MRPL30: variants seen among roughly 807,000 people sequenced by gnomAD.
The protein encoded by MRPL30 is mitochondrial ribosomal protein L30.
In MRPL30, 10 loss-of-function variants were observed where a neutral mutation model predicts 17.2. The observed-to-expected ratio is 0.58, with a 90% confidence interval of 0.36 to 0.99. The LOEUF is 0.99. Ranked by LOEUF, MRPL30 falls within the 50% of genes least tolerant of loss-of-function variation. MRPL30 has a pLI of 0.01. For missense variants in MRPL30, 170 were observed against 189.8 expected (o/e 0.90, Z 0.61); for synonymous variants, 61 against 62.1 (o/e 0.98, Z 0.08).
chr2:99,188,034 C>T (rs576774253), intron 2 of MRPL30, 143 bp from the exon 3 acceptor site: 206 of 571,514 alleles, frequency 3.6e-4, no homozygotes, highest in South Asian at 1.3e-3. Context: ...AGATGGGATG[C>T]GTTCACTCAG....
At chr2:99,185,645 A>T (rs544321672) in intron 1 of MRPL30, 1 of 300,340 alleles carries the variant, frequency 3.3e-6, no homozygotes, top group South Asian at 2.8e-5. Flanking sequence ...CTACTTTTTA[A>T]CAGAAAGGTG....
chr2:99,191,000 CCTGA>C (rs1364143075), intron 3 of MRPL30, among the ~76,000 whole-genome samples: 2 of 151,984 alleles, frequency 1.3e-5, no homozygotes, highest in African/African-American at 2.4e-5. Context: ...GAAAATAGCC[CCTGA>C]CTATCTTTTT....
intron 2 of MRPL30, 36 bp downstream of exon 2, chr2:99,186,290 C>G (rs758568758): frequency 1.9e-6 from 3 of 1,590,378 alleles, no homozygotes; most frequent in Non-Finnish European, 2.6e-6. Context: ...TCTTTTCTAC[C>G]CCTTATGAAT....
intron 3 of MRPL30, among the ~76,000 whole-genome samples, chr2:99,189,373 A>G (rs906377438): frequency 2.0e-5 from 3 of 152,204 alleles, no homozygotes; most frequent in Non-Finnish European, 2.9e-5. Flanking sequence ...TCTAGAATGT[A>G]ATATAGCTGA....
intron 2 of MRPL30, chr2:99,186,868 A>G (rs2093934913): frequency 6.6e-6 from 1 of 152,278 alleles, no homozygotes; most frequent in Non-Finnish European, 1.5e-5. Flanking sequence ...AGGAAGAGAA[A>G]TAATCTGTAA....
At position 99,195,946 on chromosome 2, in the gene MRPL30, G is replaced by T. The variant is rs797011884; in HGVS notation, c.*241G>T. The T allele has an allele frequency of 1.3e-5, 5 of 373,656 alleles. No homozygotes were observed. Among genetic ancestry groups the T allele is most frequent in the African/African-American group, 1.1e-4 (5 of 45,828 alleles). 23.1% of individuals were successfully genotyped at this position (373,656 alleles called of 1,614,324 possible). A position where few individuals can be genotyped will look rare whatever the true frequency, so the allele number is the denominator to read the frequency against. On this transcript the variant is annotated 3_prime_UTR_variant, in exon 6 of 6. Transcript: ENST00000338148. ...GAAAATACAGAATTAGCCAGGCATG[G>T]TGGCACATGCCTGTAACCCAGCTAC... is the stretch of plus-strand genomic sequence containing the variant.
In MRPL30 at chr2:99,181,215, A is replaced by G. The variant is rs2093919478; in HGVS notation, c.-62A>G. ...CTTCCTCTGCTCTGCTTCCCTTCGG[A>G]GGAAAATTTCAGGCTGAAGGTTTAG... is the stretch of plus-strand genomic sequence containing the variant. On this transcript the variant is annotated 5_prime_UTR_variant, in exon 1 of 6. Transcript: ENST00000338148. The G allele has an allele frequency of 3.9e-6, 2 of 515,958 alleles. No homozygotes were observed. The highest frequency in any genetic ancestry group is 8.0e-5 in the Admixed American group (2 of 25,046). 32.0% of individuals were successfully genotyped at this position (515,958 alleles called of 1,614,324 possible). A position where few individuals can be genotyped will look rare whatever the true frequency, so the allele number is the denominator to read the frequency against.
intron 3 of MRPL30, 121 bp downstream of exon 3, chr2:99,188,378 A>G: frequency 1.4e-6 from 1 of 735,652 alleles, no homozygotes; most frequent in Non-Finnish European, 2.2e-6. Context: ...AGGTGATGGT[A>G]CAGAGTTTAA....
At chr2:99,184,907 A>G (rs948487830) in intron 1 of MRPL30, among the ~76,000 whole-genome samples, 1 of 152,230 alleles carries the variant, frequency 6.6e-6, no homozygotes, top group Admixed American at 6.5e-5. Context: ...TCTGCGGGAC[A>G]CTGAATTACA....
Position 99,186,233 on chromosome 2 carries a change from A to T in MRPL30, c.30A>T (p.Gln10His). The T allele has an allele frequency of 6.2e-7, 1 of 1,614,096 alleles. No individual in the cohort carries two copies. The highest frequency in any genetic ancestry group is 8.5e-7 in the Non-Finnish European group (1 of 1,179,954). MAGILRLVVQWPPGRLQTVT... is the reference protein window; with the variant it reads MAGILRLVVHWPPGRLQTVT... ...CTGGGATTTTGCGCTTAGTAGTTCA[A>T]TGGCCCCCAGGCAGACTACAGGTAA... Residue 10 changes from glutamine to histidine, a missense_variant, in exon 2 of 6, where the codon CAA (glutamine) becomes CAT (histidine). By Grantham distance (24) the Gln-to-His change is conservative. Coordinates refer to ENST00000338148, the MANE Select transcript of MRPL30 (RefSeq NM_145212.4).
In MRPL30 at chr2:99,196,814, A is replaced by G. The variant is rs2093955896; in HGVS notation, c.*1109A>G. 1 of 152,204 alleles carries G rather than the reference A, an allele frequency of 6.6e-6. No individual in the cohort carries two copies. The highest frequency in any genetic ancestry group is 1.5e-5 in the Non-Finnish European group (1 of 68,042). The allele number at this position is 152,204 out of a possible 1,614,324, so 9.4% of individuals were successfully genotyped here. On this transcript the variant is annotated 3_prime_UTR_variant, in exon 6 of 6. Coordinates refer to ENST00000338148, the MANE Select transcript of MRPL30 (RefSeq NM_145212.4). ...TTATCTGTTCTGTGCTTTGGTGTCTATAAGTACATATGTGGATATGGGTTC... is the reference window on the plus strand; with the variant it reads ...TTATCTGTTCTGTGCTTTGGTGTCTGTAAGTACATATGTGGATATGGGTTC...
chr2:99,192,694 A>G (rs1299927826), intron 3 of MRPL30, among the ~76,000 whole-genome samples: 3 of 152,240 alleles, frequency 2.0e-5, no homozygotes, highest in African/African-American at 7.2e-5. Context: ...TTCAATAAAC[A>G]TACATGTGCA....
chr2:99,190,493 G>A (rs936189903), intron 3 of MRPL30, among the ~76,000 whole-genome samples: 1 of 152,200 alleles, frequency 6.6e-6, no homozygotes, highest in Non-Finnish European at 1.5e-5. Context: ...AAGAGGTCAA[G>A]GGTGTAGTGA....
intron 2 of MRPL30, 80 bp downstream of exon 2, chr2:99,186,334 CT>C: frequency 5.1e-5 from 68 of 1,340,132 alleles, no homozygotes; most frequent in Non-Finnish European, 6.0e-5. Flanking sequence ...AAGCTAAGTT[CT>C]TTTTTTTATT....
intron 1 of MRPL30, among the ~76,000 whole-genome samples, chr2:99,182,424 G>A (rs1347903957): frequency 4.6e-5 from 7 of 152,142 alleles, no homozygotes; most frequent in Admixed American, 3.9e-4. Flanking sequence ...GCGTCCGGGC[G>A]GGCGCCTGTA....
chr2:99,189,323 C>A (rs2093940019), intron 3 of MRPL30, among the ~76,000 whole-genome samples: 1 of 152,212 alleles, frequency 6.6e-6, no homozygotes, highest in Non-Finnish European at 1.5e-5. Flanking sequence ...TAACCCCTGG[C>A]AAGCACTGAT....
At chr2:99,186,397 A>G (rs553709952) in intron 2 of MRPL30, 143 bp downstream of exon 2, 3 of 694,978 alleles carry the variant, frequency 4.3e-6, no homozygotes, top group Admixed American at 5.5e-5. Flanking sequence ...CAGTGGCACA[A>G]TCTGGGCTCA....
Position 99,197,835 on chromosome 2 carries a change from A to AG in MRPL30, c.*2131dup, listed in dbSNP as rs34119189. Among the ~76,000 whole-genome samples the AG allele has an allele frequency of 0.61, 92,754 of 151,906 alleles. 28,903 individuals are homozygous for AG. Among genetic ancestry groups the AG allele is most frequent in the East Asian group, 0.88 (4,564 of 5,166 alleles). On this transcript the variant is annotated 3_prime_UTR_variant, in exon 6 of 6. Coordinates refer to ENST00000338148, the MANE Select transcript of MRPL30 (RefSeq NM_145212.4). ...TTTTTTAAAATTTTTTGTAGAGCCA[A>AG]GTGTTGCTATGTTGTCCACACTGAT...
chr2:99,181,207 C>G lies in MRPL30; in HGVS notation c.-70C>G, dbSNP rs2093919369. 3.7e-6 allele frequency: 2 copies of G among 536,002 alleles called. No individual in the cohort carries two copies. The highest frequency in any genetic ancestry group is 3.9e-5 in the African/African-American group (2 of 51,656). The allele number at this position is 536,002 out of a possible 1,614,324, so 33.2% of individuals were successfully genotyped here. A position where few individuals can be genotyped will look rare whatever the true frequency, so the allele number is the denominator to read the frequency against. On this transcript the variant is annotated 5_prime_UTR_variant, in exon 1 of 6. Transcript: ENST00000338148. ...TGGTAGTTCTTCCTCTGCTCTGCTT[C>G]CCTTCGGAGGAAAATTTCAGGCTGA...
Sources: allele counts gnomAD v4.1 joint callset (sites outside exome capture counted in the v4.1 genomes callset), GRCh38; gene constraint gnomAD v4.1.1; transcripts MANE v1.5; gene names NCBI Gene and HGNC (gene_info 2026-07-23, HGNC 2026-07-21).